Variants in ZGPAT observed in about 807,000 individuals in gnomAD.
ZGPAT encodes zinc finger CCCH-type and G-patch domain containing, also known as zinc finger CCCH-type with G patch domain-containing protein.
In ZGPAT, 39 loss-of-function variants were observed where a neutral mutation model predicts 47.9. The observed-to-expected ratio is 0.81, with a 90% CI of 0.63 to 1.06. ZGPAT has a LOEUF of 1.06. Among genes scored for constraint, ZGPAT ranks in the 50% least tolerant of loss-of-function variants. ZGPAT has a pLI of 0.00. For missense variants in ZGPAT, 717 were observed against 681.4 expected, an observed-to-expected ratio of 1.05 and a Z score of -0.58; for synonymous variants, 348 against 292.9, an observed-to-expected ratio of 1.19 and a Z score of -1.92.
intron 2 of ZGPAT, among the ~76,000 whole-genome samples, chr20:63,713,153 C>T (rs1385195805): frequency 6.6e-6 from 1 of 150,598 alleles, no homozygotes; most frequent in East Asian, 2.0e-4. Flanking sequence ...CTCACTGCAA[C>T]CTCTGCCTCC....
intron 2 of ZGPAT, among the ~76,000 whole-genome samples, chr20:63,732,635 TGA>T (rs2091925711): frequency 8.4e-6 from 1 of 118,414 alleles, no homozygotes; most frequent in Non-Finnish European, 1.7e-5. Flanking sequence ...GTATGACGTG[TGA>T]GTACATGTGT....
chr20:63,732,893 C>T (rs1005582211), intron 2 of ZGPAT, among the ~76,000 whole-genome samples: 11 of 150,864 alleles, frequency 7.3e-5, no homozygotes, highest in Middle Eastern at 3.5e-3. Flanking sequence ...TGTATGTGTA[C>T]GTGTGTATAT....
At chr20:63,735,726 C>A in intron 6 of ZGPAT, 55 bp from the exon 7 acceptor site, 1 of 1,555,548 alleles carries the variant, frequency 6.4e-7, no homozygotes, top group Non-Finnish European at 8.7e-7. Context: ...GTACGGCAGA[C>A]TGGGGTTGGT....
intron 2 of ZGPAT, among the ~76,000 whole-genome samples, chr20:63,732,124 C>T (rs1378292113): frequency 3.3e-5 from 5 of 151,778 alleles, no homozygotes; most frequent in Admixed American, 6.6e-5. Context: ...AGTGAGTGCA[C>T]GTGACAGTCT....
At chr20:63,731,355 T>TGC (rs2091899426) in intron 2 of ZGPAT, among the ~76,000 whole-genome samples, 1 of 149,404 alleles carries the variant, frequency 6.7e-6, no homozygotes, top group Non-Finnish European at 1.5e-5. Flanking sequence ...CTTGTGTGTG[T>TGC]GAGATTGTGT....
At position 63,734,927 on chromosome 20, in the gene ZGPAT, G is replaced by T. The variant is rs1041708059; in HGVS notation, c.991+103G>T. 1.4e-5 allele frequency: 20 copies of T among 1,420,126 alleles called. No homozygotes were observed. In the Admixed American group the frequency reaches 2.5e-4, roughly 18 times the overall value. The allele number at this position is 1,420,126 out of a possible 1,614,324, so 88.0% of individuals were successfully genotyped here. On this transcript the variant is annotated intron_variant, in intron 5 of 6. Coordinates refer to ENST00000355969, the MANE Select transcript of ZGPAT (RefSeq NM_181485.3). ...GTCCCGCAGCCATCGGGTTCCCAGG[G>T]TCCCGCAGCCACAGCACTGCCATCC...
In ZGPAT at chr20:63,708,906, C is replaced by G; in HGVS notation, c.326C>G (p.Ala109Gly). ...TCAGAGACCGTTCCTAAAGCAGAGG[C>G]GGGGCCAGAATCTGCGGCAGGTGGG... ...SGSETVPKAE[A>G]GPESAAGGQE... The change falls in exon 2 of 7, where the codon GCG (alanine) becomes GGG (glycine). Residue 109 changes from alanine (A) to glycine (G), a missense_variant. Physicochemically the swap from Ala to Gly is moderately conservative, Grantham distance 60. Transcript: ENST00000355969. 6.2e-7 allele frequency: 1 copy of G among 1,611,154 alleles called. No homozygotes were observed. Among genetic ancestry groups the G allele is most frequent in the Non-Finnish European group, 8.5e-7 (1 of 1,178,676 alleles).
chr20:63,735,442 C>T lies in ZGPAT; in HGVS notation c.1275C>T (p.Tyr425=). 3 of 1,573,062 alleles carry T rather than the reference C, an allele frequency of 1.9e-6. No individual in the cohort carries two copies. Among genetic ancestry groups the T allele is most frequent in the Non-Finnish European group, 2.6e-6 (3 of 1,162,984 alleles). The change falls in exon 6 of 7, where the codon TAC becomes TAT. Residue 425 remains tyrosine, a synonymous_variant. Coordinates refer to ENST00000355969, the MANE Select transcript of ZGPAT (RefSeq NM_181485.3). ...CGGGGAGGAGGAGCAAGGACATGTA[C>T]CATGCCAGCAAGAGTGCCAAGCGGG... is the stretch of plus-strand genomic sequence containing the variant. ...APAGRRSKDM[Y]HASKSAKRAL... is the part of the protein sequence containing the mutation.
intron 4 of ZGPAT, 45 bp downstream of exon 4, chr20:63,733,784 AC>A: frequency 6.4e-7 from 1 of 1,570,942 alleles, no homozygotes; most frequent in Non-Finnish European, 8.6e-7. Flanking sequence ...AGGTGGGGTC[AC>A]CCTGAGAGGC....
Position 63,733,327 on chromosome 20 carries a change from C to T in ZGPAT, c.693C>T (p.Gly231=), listed in dbSNP as rs771671347. Residue 231 remains glycine, a synonymous_variant, in exon 3 of 7, where the codon GGC becomes GGT. Transcript: ENST00000355969. ...CGTGTCTGGCCAAGCACCAGGATGG[C>T]CTCTGGCACGCAGCACGCATCACCG... ...GSACLAKHQD[G]LWHAARITDV... is the part of the protein sequence containing the mutation. 6.2e-7 allele frequency: 1 copy of T among 1,612,756 alleles called. No individual in the cohort carries two copies. Among genetic ancestry groups the T allele is most frequent in the South Asian group, 1.1e-5 (1 of 91,054 alleles).
chr20:63,715,498 C>T (rs559927886), intron 2 of ZGPAT, among the ~76,000 whole-genome samples: 43 of 152,092 alleles, frequency 2.8e-4, no homozygotes, highest in African/African-American at 6.0e-4. Flanking sequence ...CTTGGCCTCC[C>T]GAAGTGCTGG....
Position 63,709,121 on chromosome 20 carries a change from C to T in ZGPAT, c.541C>T (p.Pro181Ser), listed in dbSNP as rs377575906. 24 of 1,612,724 alleles carry T rather than the reference C, an allele frequency of 1.5e-5. No homozygotes were observed. The highest frequency in any genetic ancestry group is 2.0e-5 in the Non-Finnish European group (24 of 1,180,030). ...CACTCACAAGTCTCTGAAGCCGTGC[C>T]CGTTCTTCCTGGAGGGAAAGTGCCG... is the stretch of plus-strand genomic sequence containing the variant. The part of the protein sequence containing the change: ...YPTHKSLKPC[P>S]FFLEGKCRFK... The change falls in exon 2 of 7, where the codon CCG becomes TCG. Residue 181 changes from proline to serine, a missense_variant. Pro to Ser is a moderately conservative substitution (Grantham distance 74, BLOSUM62 -1). Coordinates refer to ENST00000355969, the MANE Select transcript of ZGPAT (RefSeq NM_181485.3).
chr20:63,714,414 A>G (rs560532555), intron 2 of ZGPAT, among the ~76,000 whole-genome samples: 2 of 123,004 alleles, frequency 1.6e-5, no homozygotes, highest in African/African-American at 3.2e-5. Context: ...CGACAGAGCA[A>G]GAACCCTGTC....
intron 2 of ZGPAT, among the ~76,000 whole-genome samples, chr20:63,713,273 C>T (rs1242770423): frequency 6.6e-6 from 1 of 151,382 alleles, no homozygotes; most frequent in Admixed American, 6.6e-5. Flanking sequence ...CTCTGTTGCC[C>T]AGGCTGGAGT....
At position 63,734,899 on chromosome 20, in the gene ZGPAT, GGGGTCCCGCAGCCATCGGGTTCCCA is replaced by G. The variant is rs370403559; in HGVS notation, c.991+90_991+114del. On this transcript the variant is annotated intron_variant, in intron 5 of 6. Transcript: ENST00000355969. ...CAGGTCCAGCAGCCATCAGGTTCCC[GGGGTCCCGCAGCCATCGGGTTCCCA>G]GGGTCCCGCAGCCACAGCACTGCCA... The G allele has an allele frequency of 2.0e-3, 2,905 of 1,487,214 alleles. 53 individuals carry two copies. The African/African-American group carries it at 0.036, about 18-fold the overall frequency. 92.1% of individuals were successfully genotyped at this position (1,487,214 alleles called of 1,614,324 possible).
At chr20:63,718,892 C>G (rs2145657357) in intron 2 of ZGPAT, among the ~76,000 whole-genome samples, 1 of 151,012 alleles carries the variant, frequency 6.6e-6, no homozygotes, top group African/African-American at 2.4e-5. Context: ...TGGTGAAACC[C>G]TGTCTCTACT....
At chr20:63,728,452 T>A (rs1289120252) in intron 2 of ZGPAT, among the ~76,000 whole-genome samples, 1 of 152,152 alleles carries the variant, frequency 6.6e-6, no homozygotes, top group Non-Finnish European at 1.5e-5. Context: ...CCCAAAAGGC[T>A]CCCCACCACA....
chr20:63,715,580 A>G (rs2091719268), intron 2 of ZGPAT, among the ~76,000 whole-genome samples: 1 of 152,122 alleles, frequency 6.6e-6, no homozygotes, highest in Non-Finnish European at 1.5e-5. Flanking sequence ...TTATCATGTA[A>G]TAACATTGCT....
intron 2 of ZGPAT, among the ~76,000 whole-genome samples, chr20:63,709,748 G>A (rs930385068): frequency 6.6e-6 from 1 of 151,624 alleles, no homozygotes; most frequent in African/African-American, 2.4e-5. Context: ...GCATAGTCCT[G>A]GCTCACTGCA....
Sources: gnomAD v4.1 joint callset for allele counts (sites outside exome capture counted in the v4.1 genomes callset) on GRCh38, gnomAD v4.1.1 for gene constraint, MANE v1.5 for transcripts, NCBI Gene and HGNC (gene_info 2026-07-23, HGNC 2026-07-21) for gene names.